The following PDHA2 variants were observed in gnomAD, a reference collection of about 807,000 sequenced individuals.
The protein encoded by PDHA2 is pyruvate dehydrogenase E1 component subunit alpha, testis-specific form, mitochondrial.
For synonymous variants in PDHA2, 188 were observed against 185.9 expected (o/e 1.01, Z -0.09); for missense variants, 533 against 495.8 (o/e 1.07, Z -0.71).
chr4:95,840,511 G>A lies in PDHA2; in HGVS notation c.361G>A (p.Val121Met). 1 of 1,614,212 alleles carries A rather than the reference G, an allele frequency of 6.2e-7. No individual in the cohort carries two copies. The highest frequency in any genetic ancestry group is 8.5e-7 in the Non-Finnish European group (1 of 1,180,044). The part of the protein sequence containing the change: ...HVITSYRAHG[V>M]CYTRGLSVRS... ...CATTACATCCTATAGGGCTCATGGT[G>A]TGTGCTATACTCGGGGACTTTCTGT... Residue 121 changes from valine to methionine, a missense_variant, in exon 1 of 1, where the codon GTG becomes ATG. Transcript: ENST00000295266.
Position 95,840,511 on chromosome 4 carries a change from G to T in PDHA2, c.361G>T (p.Val121Leu). 6.2e-7 allele frequency: 1 copy of T among 1,614,212 alleles called. No homozygotes were observed. The highest frequency in any genetic ancestry group is 8.5e-7 in the Non-Finnish European group (1 of 1,180,044). Reference protein sequence around the residue: ...HVITSYRAHGVCYTRGLSVRS... With the variant: ...HVITSYRAHGLCYTRGLSVRS... The stretch of plus-strand genomic sequence containing the variant: ...CATTACATCCTATAGGGCTCATGGT[G>T]TGTGCTATACTCGGGGACTTTCTGT... The change falls in exon 1 of 1, where the codon GTG becomes TTG. Residue 121 changes from valine to leucine, a missense_variant. Coordinates refer to ENST00000295266, the MANE Select transcript of PDHA2 (RefSeq NM_005390.5).
Position 95,840,268 on chromosome 4 carries a change from G to C in PDHA2, c.118G>C (p.Asp40His). Residue 40 changes from aspartate to histidine, a missense_variant, in exon 1 of 1, where the codon GAT (aspartate) becomes CAT (histidine). Asp to His is a moderately conservative substitution (Grantham distance 81). Coordinates refer to ENST00000295266, the MANE Select transcript of PDHA2 (RefSeq NM_005390.5). ...NDATFEIKKCDLYLLEEGPPV... is the reference protein window; with the variant it reads ...NDATFEIKKCHLYLLEEGPPV... ...CGCTACATTTGAAATTAAGAAATGT[G>C]ATCTTTATCTGTTGGAAGAGGGTCC... 6.2e-7 allele frequency: 1 copy of C among 1,614,200 alleles called. No individual in the cohort carries two copies. The highest frequency in any genetic ancestry group is 8.5e-7 in the Non-Finnish European group (1 of 1,180,036).
Position 95,840,410 on chromosome 4 carries a change from G to T in PDHA2, c.260G>T (p.Gly87Val). ...DQLYKQKFIR[G>V]FCHLCDGQEA... The stretch of plus-strand genomic sequence containing the variant: ...CTGTACAAACAGAAATTCATTCGCG[G>T]TTTCTGTCACCTGTGCGATGGTCAG... Residue 87 changes from glycine to valine, a missense_variant, in exon 1 of 1, where the codon GGT (glycine) becomes GTT (valine). Coordinates refer to ENST00000295266, the MANE Select transcript of PDHA2 (RefSeq NM_005390.5). The T allele has an allele frequency of 6.2e-7, 1 of 1,614,220 alleles. No homozygotes were observed. Among genetic ancestry groups the T allele is most frequent in the Non-Finnish European group, 8.5e-7 (1 of 1,180,042 alleles).
Position 95,840,532 on chromosome 4 carries a change from T to C in PDHA2, c.382T>C (p.Ser128Pro). 1 of 1,614,160 alleles carries C rather than the reference T, an allele frequency of 6.2e-7. No homozygotes were observed. The highest frequency in any genetic ancestry group is 8.5e-7 in the Non-Finnish European group (1 of 1,180,020). Residue 128 changes from serine to proline, a missense_variant, in exon 1 of 1, where the codon TCT becomes CCT. Coordinates refer to ENST00000295266, the MANE Select transcript of PDHA2 (RefSeq NM_005390.5). ...TGGTGTGTGCTATACTCGGGGACTT[T>C]CTGTCCGATCCATTCTCGCAGAGCT... ...AHGVCYTRGL[S>P]VRSILAELTG...
At position 95,840,409 on chromosome 4, in the gene PDHA2, G is replaced by C. The variant is rs1048066810; in HGVS notation, c.259G>C (p.Gly87Arg). The change falls in exon 1 of 1, where the codon GGT (glycine) becomes CGT (arginine). Residue 87 changes from glycine (G) to arginine (R), a missense_variant. Physicochemically the swap from Gly to Arg is moderately radical, Grantham distance 125. Coordinates refer to ENST00000295266, the MANE Select transcript of PDHA2 (RefSeq NM_005390.5). ...DQLYKQKFIRGFCHLCDGQEA... is the reference protein window; with the variant it reads ...DQLYKQKFIRRFCHLCDGQEA... ...GCTGTACAAACAGAAATTCATTCGC[G>C]GTTTCTGTCACCTGTGCGATGGTCA... The C allele has an allele frequency of 1.9e-6, 3 of 1,614,190 alleles. No individual in the cohort carries two copies. The highest frequency in any genetic ancestry group is 1.7e-6 in the Non-Finnish European group (2 of 1,180,024).
At position 95,841,099 on chromosome 4, in the gene PDHA2, A is replaced by G; in HGVS notation, c.949A>G (p.Ile317Val). The G allele has an allele frequency of 6.2e-7, 1 of 1,614,090 alleles. No homozygotes were observed. The highest frequency in any genetic ancestry group is 8.5e-7 in the Non-Finnish European group (1 of 1,179,972). The change falls in exon 1 of 1, where the codon ATT becomes GTT. Residue 317 changes from isoleucine (I) to valine (V), a missense_variant. Ile to Val is a conservative substitution (Grantham distance 29). Transcript: ENST00000295266. ...AAGAAGTAAGAGGGATCCTATAATA[A>G]TTCTCCAAGATAGAATGGTAAACAG... ...EVRSKRDPII[I>V]LQDRMVNSKL...
rs370347801 is a variant in PDHA2 at position 95,840,326 on chromosome 4, G to T, written c.176G>T (p.Gly59Val). Reference sequence around the variant, plus strand: ...ACTACAGTGCTCACTAGGGCGGAGGGGCTTAAATACTACAGGATGATGCTG... The same window carrying T: ...ACTACAGTGCTCACTAGGGCGGAGGTGCTTAAATACTACAGGATGATGCTG... ...PVTTVLTRAE[G>V]LKYYRMMLTV... is the part of the protein sequence containing the mutation. Residue 59 changes from glycine to valine, a missense_variant, in exon 1 of 1, where the codon GGG becomes GTG. Gly to Val is a moderately radical substitution (Grantham distance 109). Transcript: ENST00000295266. 2.5e-6 allele frequency: 4 copies of T among 1,614,080 alleles called. No homozygotes were observed. In the African/African-American group the frequency reaches 5.3e-5, roughly 22 times the overall value.
In PDHA2 at chr4:95,841,257, T is replaced by C; in HGVS notation, c.1107T>C (p.Ser369=). The change falls in exon 1 of 1, where the codon AGT becomes AGC. Residue 369 remains serine, a synonymous_variant. Coordinates refer to ENST00000295266, the MANE Select transcript of PDHA2 (RefSeq NM_005390.5). ...AATTAGGCCATCACATCTACAGCAG[T>C]GATTCATCTTTTGAAGTTCGTGGTG... ...LEELGHHIYS[S]DSSFEVRGAN... The C allele has an allele frequency of 6.2e-7, 1 of 1,614,178 alleles. No individual in the cohort carries two copies. Among genetic ancestry groups the C allele is most frequent in the South Asian group, 1.1e-5 (1 of 91,088 alleles).
rs1297889941 is a variant in PDHA2, at chr4:95,840,276, T to C, written c.126T>C (p.Tyr42=). ...ATFEIKKCDL[Y]LLEEGPPVTT... ...TTGAAATTAAGAAATGTGATCTTTA[T>C]CTGTTGGAAGAGGGTCCCCCTGTCA... The change falls in exon 1 of 1, where the codon TAT becomes TAC. Residue 42 remains tyrosine, a synonymous_variant. Transcript: ENST00000295266. 2 of 1,614,234 alleles carry C rather than the reference T, an allele frequency of 1.2e-6. No homozygotes were observed. Among genetic ancestry groups the C allele is most frequent in the Admixed American group, 1.7e-5 (1 of 60,034 alleles).
rs962710709 is a variant in PDHA2 at position 95,841,463 on chromosome 4, G to T, written c.*146G>T. ...TTTATTAAAAGAGATTATTAAAAGA[G>T]ATTGAAAGACATGCATTCAATAAAA... is the stretch of plus-strand genomic sequence containing the variant. On this transcript the variant is annotated 3_prime_UTR_variant, in exon 1 of 1. Coordinates refer to ENST00000295266, the MANE Select transcript of PDHA2 (RefSeq NM_005390.5). The T allele has an allele frequency of 2.1e-5, 14 of 655,600 alleles. No individual in the cohort carries two copies. The African/African-American group carries it at 2.6e-4, about 12-fold the overall frequency. 40.6% of individuals were successfully genotyped at this position (655,600 alleles called of 1,614,324 possible).
chr4:95,840,932 G>A lies in PDHA2; in HGVS notation c.782G>A (p.Arg261His), dbSNP rs777635144. 6 of 1,613,930 alleles carry A rather than the reference G, an allele frequency of 3.7e-6. No homozygotes were observed. In the African/African-American group the frequency reaches 6.7e-5, roughly 18 times the overall value. Reference sequence around the variant, plus strand: ...GATGGAATGGATGTTCTGTGTGTTCGTGAGGCAACAAAATTTGCAGCTAAC... The same window carrying A: ...GATGGAATGGATGTTCTGTGTGTTCATGAGGCAACAAAATTTGCAGCTAAC... ...KVDGMDVLCV[R>H]EATKFAANYC... Residue 261 changes from arginine (R) to histidine (H), a missense_variant, in exon 1 of 1, where the codon CGT becomes CAT. Coordinates refer to ENST00000295266, the MANE Select transcript of PDHA2 (RefSeq NM_005390.5).
rs111350017 is a variant in PDHA2 at position 95,840,321 on chromosome 4, G to C, written c.171G>C (p.Ala57=). The C allele has an allele frequency of 3.1e-6, 5 of 1,614,178 alleles. No individual in the cohort carries two copies. The highest frequency in any genetic ancestry group is 1.7e-6 in the Non-Finnish European group (2 of 1,180,032). The change falls in exon 1 of 1, where the codon GCG becomes GCC. Residue 57 remains alanine, a synonymous_variant. Transcript: ENST00000295266. ...CTGTCACTACAGTGCTCACTAGGGC[G>C]GAGGGGCTTAAATACTACAGGATGA... is the stretch of plus-strand genomic sequence containing the variant. ...GPPVTTVLTR[A]EGLKYYRMML...
Position 95,840,573 on chromosome 4 carries a change from A to C in PDHA2, c.423A>C (p.Gly141=), listed in dbSNP as rs1214675681. 6.2e-7 allele frequency: 1 copy of C among 1,613,966 alleles called. No individual in the cohort carries two copies. Among genetic ancestry groups the C allele is most frequent in the East Asian group, 2.2e-5 (1 of 44,846 alleles). ...TCGCAGAGCTGACGGGAAGAAGAGG[A>C]GGTTGTGCTAAAGGAAAAGGAGGAT... ...SILAELTGRR[G]GCAKGKGGSM... The change falls in exon 1 of 1, where the codon GGA becomes GGC. Residue 141 remains glycine, a synonymous_variant. Transcript: ENST00000295266.
In PDHA2 at chr4:95,840,796, T is replaced by C; in HGVS notation, c.646T>C (p.Cys216Arg). 6.2e-7 allele frequency: 1 copy of C among 1,614,122 alleles called. No individual in the cohort carries two copies. Among genetic ancestry groups the C allele is most frequent in the Non-Finnish European group, 8.5e-7 (1 of 1,180,026 alleles). ...TATGGCAGCTTTATGGAAATTACCT[T>C]GTGTTTTCATCTGTGAGAATAACCT... is the stretch of plus-strand genomic sequence containing the variant. ...FNMAALWKLP[C>R]VFICENNLYG... The change falls in exon 1 of 1, where the codon TGT (cysteine) becomes CGT (arginine). Residue 216 changes from cysteine to arginine, a missense_variant. Cys to Arg is a radical substitution (Grantham distance 180). Coordinates refer to ENST00000295266, the MANE Select transcript of PDHA2 (RefSeq NM_005390.5).
In PDHA2 at chr4:95,840,741, G is replaced by A. The variant is rs757291010; in HGVS notation, c.591G>A (p.Ala197=). Residue 197 remains alanine (A), a synonymous_variant, in exon 1 of 1, where the codon GCG becomes GCA. Transcript: ENST00000295266. ...TGACTTTATATGGGGATGGCGCTGC[G>A]AATCAGGGGCAGATAGCCGAAGCTT... is the stretch of plus-strand genomic sequence containing the variant. The part of the protein sequence containing the change: ...ICLTLYGDGA[A]NQGQIAEAFN... 23 of 1,614,164 alleles carry A rather than the reference G, an allele frequency of 1.4e-5. No individual in the cohort carries two copies. The highest frequency in any genetic ancestry group is 1.8e-5 in the Non-Finnish European group (21 of 1,180,032).
Position 95,841,344 on chromosome 4 carries a change from C to G in PDHA2, c.*27C>G. ...GGGAGGCTACGTGTGAATTTATCAT[C>G]AGTCTCTCAATGGAATGTTCATGGT... On this transcript the variant is annotated 3_prime_UTR_variant, in exon 1 of 1. Transcript: ENST00000295266. 6.4e-7 allele frequency: 1 copy of G among 1,554,576 alleles called. No individual in the cohort carries two copies. Among genetic ancestry groups the G allele is most frequent in the Admixed American group, 1.7e-5 (1 of 59,774 alleles).
In PDHA2 at chr4:95,840,138, C is replaced by A; in HGVS notation, c.-13C>A. 1.3e-6 allele frequency: 2 copies of A among 1,594,910 alleles called. No individual in the cohort carries two copies. Among genetic ancestry groups the A allele is most frequent in the Non-Finnish European group, 8.5e-7 (1 of 1,171,346 alleles). On this transcript the variant is annotated 5_prime_UTR_variant, in exon 1 of 1. Transcript: ENST00000295266. Reference sequence around the variant, plus strand: ...CGGGACGCCGCTGCCATCTACAGCACTCCGTGAAGAATATGCTGGCCGCCT... The same window carrying A: ...CGGGACGCCGCTGCCATCTACAGCAATCCGTGAAGAATATGCTGGCCGCCT...
chr4:95,840,095 G>A lies in PDHA2; in HGVS notation c.-56G>A. ...GAAGGAGACGCGGAGCCGAGGCCAG[G>A]CCTTCCGGCGGTCGTTACGGGACGC... On this transcript the variant is annotated 5_prime_UTR_variant, in exon 1 of 1. Coordinates refer to ENST00000295266, the MANE Select transcript of PDHA2 (RefSeq NM_005390.5). 2 of 1,459,376 alleles carry A rather than the reference G, an allele frequency of 1.4e-6. No individual in the cohort carries two copies. Among genetic ancestry groups the A allele is most frequent in the Non-Finnish European group, 1.9e-6 (2 of 1,077,560 alleles). 90.4% of individuals were successfully genotyped at this position (1,459,376 alleles called of 1,614,324 possible).
chr4:95,840,865 G>A lies in PDHA2; in HGVS notation c.715G>A (p.Asp239Asn). 6.2e-7 allele frequency: 1 copy of A among 1,614,006 alleles called. No homozygotes were observed. ...TACTGAGAGAGCAGCAGCCAGCCCT[G>A]ATTACTACAAGAGGGGCAATTTTAT... ...TSTERAAASP[D>N]YYKRGNFIPG... The change falls in exon 1 of 1, where the codon GAT becomes AAT. Residue 239 changes from aspartate to asparagine, a missense_variant. By Grantham distance (23) the Asp-to-Asn change is conservative. Coordinates refer to ENST00000295266, the MANE Select transcript of PDHA2 (RefSeq NM_005390.5).
Sources: allele counts gnomAD v4.1 joint callset, GRCh38; gene constraint gnomAD v4.1.1; transcripts MANE v1.5; gene names NCBI Gene and HGNC (gene_info 2026-07-23, HGNC 2026-07-21).